PCGF6: variants seen among roughly 807,000 people sequenced by gnomAD.
The protein encoded by PCGF6 is polycomb group RING finger protein 6.
In PCGF6, 24 loss-of-function variants were observed where a neutral mutation model predicts 45.5. That is an observed-to-expected ratio of 0.53 (90% CI 0.38 to 0.74). The LOEUF (loss-of-function observed/expected upper bound fraction) is 0.74. Ranked by LOEUF, PCGF6 falls within the 30% of genes least tolerant of loss-of-function variation. The pLI is 0.00. For missense variants in PCGF6, 356 were observed against 443.2 expected (o/e 0.80, Z 1.77); for synonymous variants, 152 against 162.1 (o/e 0.94, Z 0.47).
intron 8 of PCGF6, among the ~76,000 whole-genome samples, chr10:103,314,814 G>A (rs369914306): frequency 3.6e-4 from 55 of 151,976 alleles, no homozygotes; most frequent in African/African-American, 1.3e-3. Flanking sequence ...ACCAGGCACG[G>A]TGGTAATCAT....
chr10:103,341,244 A>G lies in PCGF6; in HGVS notation c.782+3780T>C, dbSNP rs372679274. 9.5e-4 allele frequency among the ~76,000 whole-genome samples: 144 copies of G among 151,560 alleles called. 2 individuals are homozygous for G. In the South Asian group the frequency reaches 0.025, roughly 26 times the overall value. On this transcript the variant is annotated intron_variant, in intron 6 of 9. Transcript: ENST00000369847. The stretch of plus-strand genomic sequence containing the variant: ...AACTCCGTCTCAAAAACAAAAAAAA[A>G]TCCTTTTAATTTTCTTTTTTATTTT...
At chr10:103,332,974 C>G (rs746014554) in intron 7 of PCGF6, among the ~76,000 whole-genome samples, 3 of 151,854 alleles carry the variant, frequency 2.0e-5, no homozygotes, top group African/African-American at 7.3e-5. Flanking sequence ...ATTAGCTGGG[C>G]GTGGTGGTGC....
intron 6 of PCGF6, among the ~76,000 whole-genome samples, chr10:103,341,345 C>A (rs1380391314): frequency 1.3e-5 from 2 of 151,870 alleles, no homozygotes; most frequent in Non-Finnish European, 1.5e-5. Flanking sequence ...CAACCTCCGC[C>A]TCCCGGGTTC....
chr10:103,311,314 G>A (rs1462430888), intron 9 of PCGF6, among the ~76,000 whole-genome samples: 1 of 151,394 alleles, frequency 6.6e-6, no homozygotes, highest in African/African-American at 2.4e-5. Context: ...GCTAATTTTT[G>A]TATTTTTAGT....
intron 6 of PCGF6, among the ~76,000 whole-genome samples, chr10:103,342,324 C>T (rs1166243827): frequency 1.3e-5 from 2 of 152,000 alleles, no homozygotes; most frequent in Non-Finnish European, 2.9e-5. Flanking sequence ...ACCTCCACCT[C>T]CCAGGTTCAA....
chr10:103,314,736 G>A (rs1167405608), intron 8 of PCGF6, among the ~76,000 whole-genome samples: 2 of 151,880 alleles, frequency 1.3e-5, no homozygotes, highest in East Asian at 3.9e-4. Flanking sequence ...GATCACCTGA[G>A]GTCAGGAGTT....
chr10:103,315,638 C>T (rs1164802765), intron 8 of PCGF6, among the ~76,000 whole-genome samples: 1 of 152,044 alleles, frequency 6.6e-6, no homozygotes, highest in Non-Finnish European at 1.5e-5. Context: ...GGATTACAGG[C>T]GTGAGCCACC....
At chr10:103,348,851 A>G (rs757243151) in intron 2 of PCGF6, 39 bp from the exon 3 acceptor site, 3 of 1,604,722 alleles carry the variant, frequency 1.9e-6, no homozygotes, top group Non-Finnish European at 1.7e-6. Flanking sequence ...TGCTTTCAAG[A>G]CATTTCAAAA....
At chr10:103,335,932 A>G (rs1408086777) in intron 6 of PCGF6, among the ~76,000 whole-genome samples, 2 of 150,628 alleles carry the variant, frequency 1.3e-5, no homozygotes, top group African/African-American at 2.4e-5. Flanking sequence ...GTGTCACTAC[A>G]CTCCAGCCCG....
chr10:103,326,313 C>T (rs962751285), intron 8 of PCGF6, among the ~76,000 whole-genome samples: 3 of 147,710 alleles, frequency 2.0e-5, no homozygotes, highest in Non-Finnish European at 4.5e-5. Flanking sequence ...GGCGTGAACC[C>T]GGGAGGCTGA....
At chr10:103,306,028 C>T (rs2093137118) in intron 9 of PCGF6, among the ~76,000 whole-genome samples, 1 of 151,782 alleles carries the variant, frequency 6.6e-6, no homozygotes, top group African/African-American at 2.4e-5. Flanking sequence ...CTTTTTGTGG[C>T]GTTCTATCTC....
Position 103,350,974 on chromosome 10 carries a change from C to G in PCGF6, c.93G>C (p.Pro31=). ...AALPPPPPVS[P]PALTPAPAAG... ...CTGCGGGTGCAGGGGTGAGGGCGGG[C>G]GGGGAGACAGGAGGCGGAGGCGGCA... The change falls in exon 1 of 10, where the codon CCG becomes CCC. Residue 31 remains proline (P), a synonymous_variant. Coordinates refer to ENST00000369847, the MANE Select transcript of PCGF6 (RefSeq NM_001011663.2). 1 of 1,344,324 alleles carries G rather than the reference C, an allele frequency of 7.4e-7. No individual in the cohort carries two copies. Among genetic ancestry groups the G allele is most frequent in the Non-Finnish European group, 9.7e-7 (1 of 1,028,906 alleles). The allele number at this position is 1,344,324 out of a possible 1,614,324, so 83.3% of individuals were successfully genotyped here. A position where few individuals can be genotyped will look rare whatever the true frequency, so the allele number is the denominator to read the frequency against.
At chr10:103,330,365 G>A (rs999107921) in intron 7 of PCGF6, among the ~76,000 whole-genome samples, 13 of 151,936 alleles carry the variant, frequency 8.6e-5, no homozygotes, top group Admixed American at 6.6e-4. Context: ...GTTAGCCACC[G>A]TGCCTGGACA....
chr10:103,350,924 A>T lies in PCGF6; in HGVS notation c.143T>A (p.Leu48Gln), dbSNP rs1468190062. 2 of 1,513,100 alleles carry T rather than the reference A, an allele frequency of 1.3e-6. No homozygotes were observed. Among genetic ancestry groups the T allele is most frequent in the African/African-American group, 1.4e-5 (1 of 69,732 alleles). The allele number at this position is 1,513,100 out of a possible 1,614,324, so 93.7% of individuals were successfully genotyped here. The part of the protein sequence containing the change: ...PAAGEEGPAP[L>Q]SETGAPGCSG... ...GCAGCCGGGAGCCCCCGTCTCAGAC[A>T]GAGGCGCCGGTCCCTCCTCACCCGC... is the stretch of plus-strand genomic sequence containing the variant. Residue 48 changes from leucine (L) to glutamine (Q), a missense_variant, in exon 1 of 10, where the codon CTG (leucine) becomes CAG (glutamine). Leu to Gln is a moderately radical substitution (Grantham distance 113). This residue lies in a region of PCGF6 where 307 missense variants were observed against 350.1 expected (regional missense o/e 0.88). Coordinates refer to ENST00000369847, the MANE Select transcript of PCGF6 (RefSeq NM_001011663.2).
intron 6 of PCGF6, among the ~76,000 whole-genome samples, chr10:103,341,338 C>A (rs1001984246): frequency 1.3e-5 from 2 of 151,828 alleles, no homozygotes; most frequent in Non-Finnish European, 2.9e-5. Context: ...CTCACCACAA[C>A]CTCCGCCTCC....
chr10:103,320,456 G>T (rs968167759), intron 8 of PCGF6, among the ~76,000 whole-genome samples: 1 of 152,174 alleles, frequency 6.6e-6, no homozygotes. Context: ...GGAGGCCGAG[G>T]TGGGCAGATT....
chr10:103,327,581 T>C (rs1319505159), intron 7 of PCGF6, among the ~76,000 whole-genome samples: 1 of 152,158 alleles, frequency 6.6e-6, no homozygotes, highest in African/African-American at 2.4e-5. Flanking sequence ...TTTATAATTA[T>C]TGGAGTGGTG....
intron 1 of PCGF6, among the ~76,000 whole-genome samples, 161 bp downstream of exon 1, chr10:103,350,546 G>A (rs1211957367): frequency 6.6e-6 from 1 of 152,200 alleles, no homozygotes; most frequent in Non-Finnish European, 1.5e-5. Context: ...GCCTGTCGGC[G>A]CCACACGCCT....
At chr10:103,313,154 T>A (rs149736811) in intron 9 of PCGF6, among the ~76,000 whole-genome samples, 367 of 152,362 alleles carry the variant, frequency 2.4e-3, no homozygotes, top group African/African-American at 7.7e-3. Flanking sequence ...TCAAAATAGT[T>A]ACCTTGAGTT....
Sources: gnomAD v4.1 joint callset for allele counts (sites outside exome capture counted in the v4.1 genomes callset) on GRCh38, gnomAD v4.1.1 for gene constraint, gnomAD v4.1.1 regional missense constraint, MANE v1.5 for transcripts, NCBI Gene and HGNC (gene_info 2026-07-23, HGNC 2026-07-21) for gene names.